MKX: variants seen among roughly 807,000 people sequenced by gnomAD.
The protein encoded by MKX is homeobox protein Mohawk.
A neutral mutation model predicts 36.0 loss-of-function variants in MKX; 13 were observed. The ratio of observed to expected loss-of-function variants is 0.36; its 90% CI spans 0.24 to 0.57. The LOEUF (loss-of-function observed/expected upper bound fraction) is 0.57. Among genes scored for constraint, MKX ranks in the 20% least tolerant of loss-of-function variants. The pLI, the probability that MKX is intolerant of heterozygous loss-of-function variation, is 0.79. For synonymous variants in MKX, 176 were observed against 178.3 expected, an observed-to-expected ratio of 0.99 and a Z score of 0.10; for missense variants, 458 against 456.4, an observed-to-expected ratio of 1.00 and a Z score of -0.03.
intron 5 of MKX, among the ~76,000 whole-genome samples, chr10:27,688,167 G>C (rs538824504): frequency 6.6e-5 from 10 of 150,586 alleles, no homozygotes; most frequent in African/African-American, 2.2e-4. Flanking sequence ...CATATACCAA[G>C]CACTATGGAA....
intron 5 of MKX, among the ~76,000 whole-genome samples, chr10:27,694,810 C>G (rs995938594): frequency 6.6e-6 from 1 of 151,096 alleles, no homozygotes; most frequent in Non-Finnish European, 1.5e-5. Flanking sequence ...ATCAAAGTAT[C>G]ATACAAAAAA....
chr10:27,729,201 A>G (rs1834562428), intron 5 of MKX, among the ~76,000 whole-genome samples: 1 of 152,186 alleles, frequency 6.6e-6, no homozygotes, highest in African/African-American at 2.4e-5. Context: ...TGAAGTTTAA[A>G]CATTCAAACT....
At chr10:27,678,579 C>T (rs1389268449) in intron 5 of MKX, among the ~76,000 whole-genome samples, 3 of 152,108 alleles carry the variant, frequency 2.0e-5, no homozygotes, top group Non-Finnish European at 4.4e-5. Context: ...GGTTACTGCA[C>T]AGACAAGAAG....
chr10:27,740,277 A>T (rs1370421801), intron 3 of MKX, among the ~76,000 whole-genome samples: 1 of 152,188 alleles, frequency 6.6e-6, no homozygotes, highest in Non-Finnish European at 1.5e-5. Context: ...CTGTAAATTT[A>T]GCGGAATGGC....
chr10:27,733,324 T>C (rs1834674900), intron 5 of MKX, among the ~76,000 whole-genome samples: 1 of 152,182 alleles, frequency 6.6e-6, no homozygotes, highest in African/African-American at 2.4e-5. Context: ...ACAGAGCAAC[T>C]TTAGATTTCT....
intron 5 of MKX, among the ~76,000 whole-genome samples, chr10:27,699,417 C>A (rs1046681337): frequency 3.3e-5 from 5 of 152,128 alleles, no homozygotes; most frequent in Admixed American, 3.3e-4. Context: ...GTGGAAAGTG[C>A]AAAGAAGTTA....
In MKX at chr10:27,716,348, G is replaced by A. The variant is rs73604041; in HGVS notation, c.838+18108C>T. Among the ~76,000 whole-genome samples, 1,160 of 151,264 alleles carry A rather than the reference G, an allele frequency of 7.7e-3. 15 individuals are homozygous for A. The highest frequency in any genetic ancestry group is 0.024 in the African/African-American group (1,003 of 41,156). ...TGAGGTGGGAGGATCACCTAAGCCC[G>A]GGAGGATGAGGCTGCAGTCAGTCAT... is the stretch of plus-strand genomic sequence containing the variant. On this transcript the variant is annotated intron_variant, in intron 5 of 6. Transcript: ENST00000419761.
At chr10:27,676,248 T>C (rs1313133777) in intron 5 of MKX, among the ~76,000 whole-genome samples, 2 of 134,982 alleles carry the variant, frequency 1.5e-5, no homozygotes, top group Admixed American at 7.7e-5. Flanking sequence ...CACTCCAGCC[T>C]GGGCAACAGA....
At chr10:27,693,260 T>C (rs577889761) in intron 5 of MKX, among the ~76,000 whole-genome samples, 1 of 152,230 alleles carries the variant, frequency 6.6e-6, no homozygotes, top group Admixed American at 6.5e-5. Context: ...AGACCACTCC[T>C]CCCAATGGCC....
chr10:27,734,910 T>G (rs1834719483), intron 4 of MKX, 119 bp from the exon 5 acceptor site: 1 of 592,340 alleles, frequency 1.7e-6, no homozygotes, highest in Admixed American at 4.0e-5. Flanking sequence ...TATAAAATTA[T>G]CTTTGATAGT....
rs1836088335 is a variant in MKX, at chr10:27,673,610, T to C, written c.*1619A>G. ...TATTTTGCTTTGCGCTTACTGTTAC[T>C]GCAAACAGCAATTTAGAAAACAAAG... On this transcript the variant is annotated 3_prime_UTR_variant, in exon 7 of 7. Transcript: ENST00000419761. 1 of 152,382 alleles carries C rather than the reference T, an allele frequency of 6.6e-6. No homozygotes were observed. The highest frequency in any genetic ancestry group is 1.5e-5 in the Non-Finnish European group (1 of 67,980). 9.4% of individuals were successfully genotyped at this position (152,382 alleles called of 1,614,324 possible). A position where few individuals can be genotyped will look rare whatever the true frequency, so the allele number is the denominator to read the frequency against.
rs2172085 is a variant in MKX, at chr10:27,674,743, A to C, written c.*486T>G. ...AAAGCACATTGAACAATTTTCAATA[A>C]TGTAGACGTTTTTTAAAAGGAAGAT... On this transcript the variant is annotated 3_prime_UTR_variant, in exon 7 of 7. Transcript: ENST00000419761. The C allele has an allele frequency of 0.48, 73,924 of 152,458 alleles. 18,540 individuals are homozygous for C. Among genetic ancestry groups the C allele is most frequent in the East Asian group, 0.8 (4,135 of 5,176 alleles). 9.4% of individuals were successfully genotyped at this position (152,458 alleles called of 1,614,324 possible).
chr10:27,724,055 A>T lies in MKX; in HGVS notation c.838+10401T>A, dbSNP rs1834435054. ...CATTTGAGTTCTGTTTTTCCATTTT[A>T]ATTTTGTATTACTAAAATATTCCTC... On this transcript the variant is annotated intron_variant, in intron 5 of 6. Transcript: ENST00000419761. 2.0e-5 allele frequency among the ~76,000 whole-genome samples: 3 copies of T among 152,192 alleles called. No individual in the cohort carries two copies. The South Asian group carries it at 6.2e-4, about 31-fold the overall frequency.
At chr10:27,730,761 A>G (rs1834607341) in intron 5 of MKX, among the ~76,000 whole-genome samples, 2 of 151,814 alleles carry the variant, frequency 1.3e-5, no homozygotes, top group African/African-American at 4.8e-5. Context: ...CCCGGCCTCA[A>G]TTGGCTATTT....
intron 5 of MKX, among the ~76,000 whole-genome samples, chr10:27,677,302 CG>C (rs200524656): frequency 3.3e-5 from 5 of 152,116 alleles, no homozygotes; most frequent in South Asian, 2.1e-4. Flanking sequence ...CTTCCTTTTA[CG>C]CCCCCTGCCC....
At chr10:27,739,378 A>G (rs547878593) in intron 3 of MKX, among the ~76,000 whole-genome samples, 64 of 152,192 alleles carry the variant, frequency 4.2e-4, no homozygotes, top group African/African-American at 1.5e-3. Context: ...TACAGTTGTC[A>G]TTTATTATTA....
chr10:27,708,874 A>G (rs1260432276), intron 5 of MKX, among the ~76,000 whole-genome samples: 1 of 152,174 alleles, frequency 6.6e-6, no homozygotes. Flanking sequence ...AAACAATAAA[A>G]AGCAGCAATA....
chr10:27,677,120 G>C (rs1836166944), intron 5 of MKX, among the ~76,000 whole-genome samples: 1 of 152,052 alleles, frequency 6.6e-6, no homozygotes, highest in Admixed American at 6.6e-5. Flanking sequence ...CCAGATAGTG[G>C]GTAAGCCCCT....
Position 27,674,980 on chromosome 10 carries a change from A to G in MKX, c.*249T>C, listed in dbSNP as rs1272095238. On this transcript the variant is annotated 3_prime_UTR_variant, in exon 7 of 7. Transcript: ENST00000419761. ...CTTATTGTCGGGAAGCAAGGCACTT[A>G]CTGTAATGGTAATGCAGATGTTTTA... is the stretch of plus-strand genomic sequence containing the variant. 8.8e-6 allele frequency: 3 copies of G among 339,576 alleles called. No individual in the cohort carries two copies. The East Asian group carries it at 1.8e-4, about 20-fold the overall frequency. 21.0% of individuals were successfully genotyped at this position (339,576 alleles called of 1,614,324 possible).
Sources: allele counts gnomAD v4.1 joint callset (sites outside exome capture counted in the v4.1 genomes callset), GRCh38; gene constraint gnomAD v4.1.1; transcripts MANE v1.5; gene names NCBI Gene and HGNC (gene_info 2026-07-23, HGNC 2026-07-21).